Variants in C3orf62 observed in about 807,000 individuals in gnomAD.
The protein encoded by C3orf62 is uncharacterized protein C3orf62.
In C3orf62, 16 loss-of-function variants were observed where a neutral mutation model predicts 21.7. The observed-to-expected ratio is 0.74, with a 90% confidence interval of 0.50 to 1.12. C3orf62 has a LOEUF of 1.12. Ranked by LOEUF, C3orf62 falls within the 50% of genes most tolerant of loss-of-function variation. The pLI is 0.00. For synonymous variants in C3orf62, 114 were observed against 117.0 expected (o/e 0.97, Z 0.17); for missense variants, 310 against 318.8 (o/e 0.97, Z 0.21).
chr3:49,276,828 T>G lies in C3orf62; in HGVS notation c.45A>C (p.Glu15Asp), dbSNP rs1304342569. The change falls in exon 1 of 3, where the codon GAA becomes GAC. Residue 15 changes from glutamate (E) to aspartate (D), a missense_variant. Transcript: ENST00000343010. ...GTTCCTTTCTGCATCTTCTTAGTTT[T>G]TCAGACATTTCTCCTAAAAGCGACC... ...KTWSLLGEMSEKLRRCRKELT... is the reference protein window; with the variant it reads ...KTWSLLGEMSDKLRRCRKELT... The G allele has an allele frequency of 6.2e-7, 1 of 1,613,716 alleles. No homozygotes were observed. Among genetic ancestry groups the G allele is most frequent in the Admixed American group, 1.7e-5 (1 of 59,970 alleles).
rs781147988 is a variant in C3orf62, at chr3:49,271,403, A to G, written c.581T>C (p.Ile194Thr). ...GTGGTTCAATTCGTTTTCAAATTCT[A>G]TTTTTCCAGCCAATTCTTCAATAGT... is the stretch of plus-strand genomic sequence containing the variant. ...IRTIEELAGKIEFENELNHMC... is the reference protein window; with the variant it reads ...IRTIEELAGKTEFENELNHMC... Residue 194 changes from isoleucine to threonine, a missense_variant, in exon 3 of 3, where the codon ATA becomes ACA. Transcript: ENST00000343010. The G allele has an allele frequency of 1.3e-5, 21 of 1,614,118 alleles. No homozygotes were observed. The highest frequency in any genetic ancestry group is 1.7e-4 in the Middle Eastern group (1 of 6,058).
At position 49,271,392 on chromosome 3, in the gene C3orf62, T is replaced by A. The variant is rs2046910972; in HGVS notation, c.592A>T (p.Asn198Tyr). Reference sequence around the variant, plus strand: ...TGACCACACATGTGGTTCAATTCGTTTTCAAATTCTATTTTTCCAGCCAAT... The same window carrying A: ...TGACCACACATGTGGTTCAATTCGTATTCAAATTCTATTTTTCCAGCCAAT... The part of the protein sequence containing the change: ...EELAGKIEFE[N>Y]ELNHMCGHCQ... The change falls in exon 3 of 3, where the codon AAC becomes TAC. Residue 198 changes from asparagine to tyrosine, a missense_variant. Coordinates refer to ENST00000343010, the MANE Select transcript of C3orf62 (RefSeq NM_198562.3). 6.2e-7 allele frequency: 1 copy of A among 1,614,112 alleles called. No individual in the cohort carries two copies. The highest frequency in any genetic ancestry group is 2.2e-5 in the East Asian group (1 of 44,906).
chr3:49,275,410 A>G (rs1249840640), intron 1 of C3orf62, among the ~76,000 whole-genome samples: 1 of 151,648 alleles, frequency 6.6e-6, no homozygotes, highest in African/African-American at 2.4e-5. Flanking sequence ...ATGAGTACCA[A>G]TATAAATATT....
chr3:49,273,102 T>C (rs1022630401), intron 2 of C3orf62, among the ~76,000 whole-genome samples: 1 of 152,074 alleles, frequency 6.6e-6, no homozygotes, highest in African/African-American at 2.4e-5. Context: ...CAATGCAGAG[T>C]CTGAGCAAAA....
chr3:49,276,016 C>G (rs1216296817), intron 1 of C3orf62, among the ~76,000 whole-genome samples: 2 of 152,122 alleles, frequency 1.3e-5, no homozygotes, highest in Non-Finnish European at 2.9e-5. Flanking sequence ...TCAATTAAGC[C>G]TCTCCCTAAT....
In C3orf62 at chr3:49,277,135, C is replaced by G; in HGVS notation, c.-263G>C. On this transcript the variant is annotated 5_prime_UTR_variant, in exon 1 of 3. Transcript: ENST00000343010. ...CCACCGCGGCTCCCAGGCCGCTGGC[C>G]CTACCGGCACCCCCCCTTTGGCGAG... The G allele has an allele frequency of 2.7e-6, 4 of 1,458,276 alleles. No homozygotes were observed. Among genetic ancestry groups the G allele is most frequent in the Non-Finnish European group, 3.6e-6 (4 of 1,096,754 alleles). 90.3% of individuals were successfully genotyped at this position (1,458,276 alleles called of 1,614,324 possible). A position where few individuals can be genotyped will look rare whatever the true frequency, so the allele number is the denominator to read the frequency against.
chr3:49,271,430 C>G lies in C3orf62; in HGVS notation c.554G>C (p.Arg185Pro), dbSNP rs770343603. 6.2e-7 allele frequency: 1 copy of G among 1,613,750 alleles called. No individual in the cohort carries two copies. Among genetic ancestry groups the G allele is most frequent in the Non-Finnish European group, 8.5e-7 (1 of 1,179,790 alleles). Reference protein sequence around the residue: ...LLDMIDHTSIRTIEELAGKIE... With the variant: ...LLDMIDHTSIPTIEELAGKIE... Reference sequence around the variant, plus strand: ...TTTTCCAGCCAATTCTTCAATAGTTCGGATGCTTGTATGGTCTTAAAAATA... The same window carrying G: ...TTTTCCAGCCAATTCTTCAATAGTTGGGATGCTTGTATGGTCTTAAAAATA... The change falls in exon 3 of 3, where the codon CGA (arginine) becomes CCA (proline). Residue 185 changes from arginine to proline, a missense_variant. Physicochemically the swap from Arg to Pro is moderately radical, Grantham distance 103. Transcript: ENST00000343010.
rs2046968104 is a variant in C3orf62 at position 49,276,992 on chromosome 3, C to T, written c.-120G>A. On this transcript the variant is annotated 5_prime_UTR_variant, in exon 1 of 3. Transcript: ENST00000343010. ...CAGGACCCACAACCCTCGGGCTTTC[C>T]TCCTGGAGTAGGCGGTTCTCGGCTC... is the stretch of plus-strand genomic sequence containing the variant. 6.8e-7 allele frequency: 1 copy of T among 1,474,896 alleles called. No homozygotes were observed. The highest frequency in any genetic ancestry group is 2.4e-5 in the Admixed American group (1 of 40,852). 91.4% of individuals were successfully genotyped at this position (1,474,896 alleles called of 1,614,324 possible).
Position 49,271,401 on chromosome 3 carries a change from C to A in C3orf62, c.583G>T (p.Glu195Ter), listed in dbSNP as rs755185861. The change falls in exon 3 of 3, where the codon GAA (glutamate) becomes TAA (stop). Residue 195 changes from glutamate to a stop codon, truncating the protein, a stop_gained. Transcript: ENST00000343010. LOFTEE classifies it high-confidence loss of function. ...RTIEELAGKI[E>*]FENELNHMCG... ...ATGTGGTTCAATTCGTTTTCAAATT[C>A]TATTTTTCCAGCCAATTCTTCAATA... The A allele has an allele frequency of 2.5e-5, 40 of 1,614,048 alleles. No individual in the cohort carries two copies. The highest frequency in any genetic ancestry group is 3.3e-5 in the Non-Finnish European group (39 of 1,180,026).
At position 49,276,965 on chromosome 3, in the gene C3orf62, A is replaced by G. The variant is rs1367344049; in HGVS notation, c.-93T>C. On this transcript the variant is annotated 5_prime_UTR_variant, in exon 1 of 3. Coordinates refer to ENST00000343010, the MANE Select transcript of C3orf62 (RefSeq NM_198562.3). ...TTTCCTGGAGCTTGGCCCTGGCTAT[A>G]GCAGGACCCACAACCCTCGGGCTTT... 6.6e-7 allele frequency: 1 copy of G among 1,513,502 alleles called. No homozygotes were observed. The highest frequency in any genetic ancestry group is 8.8e-7 in the Non-Finnish European group (1 of 1,134,696). 93.8% of individuals were successfully genotyped at this position (1,513,502 alleles called of 1,614,324 possible).
In C3orf62 at chr3:49,271,413, C is replaced by A. The variant is rs747905227; in HGVS notation, c.571G>T (p.Ala191Ser). Residue 191 changes from alanine (A) to serine (S), a missense_variant, in exon 3 of 3, where the codon GCT (alanine) becomes TCT (serine). Ala to Ser is a moderately conservative substitution (Grantham distance 99). Transcript: ENST00000343010. ...HTSIRTIEEL[A>S]GKIEFENELN... ...TCGTTTTCAAATTCTATTTTTCCAG[C>A]CAATTCTTCAATAGTTCGGATGCTT... The A allele has an allele frequency of 6.2e-7, 1 of 1,614,128 alleles. No individual in the cohort carries two copies. Among genetic ancestry groups the A allele is most frequent in the Non-Finnish European group, 8.5e-7 (1 of 1,179,998 alleles).
rs2046903344 is a variant in C3orf62, at chr3:49,269,831, G to A, written c.*1349C>T. The stretch of plus-strand genomic sequence containing the variant: ...GGCCAACCTCTGCTAAGGAGTGGGT[G>A]TGTAGCCTCCACATTTGAGCCCAGA... On this transcript the variant is annotated 3_prime_UTR_variant, in exon 3 of 3. Transcript: ENST00000343010. 1 of 152,312 alleles carries A rather than the reference G, an allele frequency of 6.6e-6. No homozygotes were observed. Among genetic ancestry groups the A allele is most frequent in the Admixed American group, 6.5e-5 (1 of 15,286 alleles). The allele number at this position is 152,312 out of a possible 1,614,324, so 9.4% of individuals were successfully genotyped here. A position where few individuals can be genotyped will look rare whatever the true frequency, so the allele number is the denominator to read the frequency against.
Position 49,276,454 on chromosome 3 carries a change from C to G in C3orf62, c.419G>C (p.Gly140Ala), listed in dbSNP as rs765023440. Residue 140 changes from glycine (G) to alanine (A), a missense_variant, in exon 1 of 3, where the codon GGG becomes GCG. Transcript: ENST00000343010. Reference protein sequence around the residue: ...ERESWRTAGEGENWRKENLRK... With the variant: ...ERESWRTAGEAENWRKENLRK... Reference sequence around the variant, plus strand: ...TAAATTTTCTTTTCTCCAGTTTTCCCCCTCTCCTGCAGTTCTCCAAGACTC... The same window carrying G: ...TAAATTTTCTTTTCTCCAGTTTTCCGCCTCTCCTGCAGTTCTCCAAGACTC... 4.3e-6 allele frequency: 7 copies of G among 1,609,250 alleles called. No individual in the cohort carries two copies. In the African/African-American group the frequency reaches 6.7e-5, roughly 15 times the overall value.
At chr3:49,272,085 G>C (rs1194850880) in intron 2 of C3orf62, among the ~76,000 whole-genome samples, 1 of 152,116 alleles carries the variant, frequency 6.6e-6, no homozygotes, top group Non-Finnish European at 1.5e-5. Flanking sequence ...GGCCCAGGGG[G>C]TGTACCCTAC....
intron 2 of C3orf62, among the ~76,000 whole-genome samples, chr3:49,273,828 G>T (rs1245059846): frequency 6.6e-6 from 1 of 152,042 alleles, no homozygotes; most frequent in Non-Finnish European, 1.5e-5. Flanking sequence ...GCTAATTTTT[G>T]TATTTTTAGT....
In C3orf62 at chr3:49,277,045, A is replaced by AGCCCCAAAGAC; in HGVS notation, c.-184_-174dup. The AGCCCCAAAGAC allele has an allele frequency of 6.8e-7, 1 of 1,466,890 alleles. No homozygotes were observed. Among genetic ancestry groups the AGCCCCAAAGAC allele is most frequent in the Non-Finnish European group, 9.0e-7 (1 of 1,113,308 alleles). 90.9% of individuals were successfully genotyped at this position (1,466,890 alleles called of 1,614,324 possible). The stretch of plus-strand genomic sequence containing the variant: ...GCGGAGGAACCCGCCATCTGCCAGA[A>AGCCCCAAAGAC]GCCCCAAAGACGCCCCGCCCCACTT... On this transcript the variant is annotated 5_prime_UTR_variant, in exon 1 of 3. It removes the in-frame stop codon of an upstream open reading frame in the 5' UTR. Transcript: ENST00000343010.
rs1378351782 is a variant in C3orf62 at position 49,270,926 on chromosome 3, CA to C, written c.*253del. 6 of 482,354 alleles carry C rather than the reference CA, an allele frequency of 1.2e-5. No individual in the cohort carries two copies. The highest frequency in any genetic ancestry group is 5.9e-5 in the African/African-American group (3 of 50,930). The allele number at this position is 482,354 out of a possible 1,614,324, so 29.9% of individuals were successfully genotyped here. On this transcript the variant is annotated 3_prime_UTR_variant, in exon 3 of 3. Coordinates refer to ENST00000343010, the MANE Select transcript of C3orf62 (RefSeq NM_198562.3). ...GGTACTGGGTATATTGAACATCAAT[CA>C]AAAAAACACATTCAAGATGTCAAGG...
rs1361155715 is a variant in C3orf62, at chr3:49,277,160, G to C, written c.-288C>G. The C allele has an allele frequency of 2.1e-6, 3 of 1,415,458 alleles. No homozygotes were observed. Among genetic ancestry groups the C allele is most frequent in the Non-Finnish European group, 2.8e-6 (3 of 1,069,808 alleles). 87.7% of individuals were successfully genotyped at this position (1,415,458 alleles called of 1,614,324 possible). A position where few individuals can be genotyped will look rare whatever the true frequency, so the allele number is the denominator to read the frequency against. On this transcript the variant is annotated 5_prime_UTR_variant, in exon 1 of 3. Transcript: ENST00000343010. ...CCTACCGGCACCCCCCCTTTGGCGA[G>C]TCGGCAGCCACGTCCTTGTCCTCAC...
rs368553985 is a variant in C3orf62 at position 49,277,187 on chromosome 3, C to T, written c.-315G>A. On this transcript the variant is annotated 5_prime_UTR_variant, in exon 1 of 3. Transcript: ENST00000343010. Reference sequence around the variant, plus strand: ...CGGCAGCCACGTCCTTGTCCTCACCCGCAGCGCAGTGACGCCGACCCATCC... The same window carrying T: ...CGGCAGCCACGTCCTTGTCCTCACCTGCAGCGCAGTGACGCCGACCCATCC... The T allele has an allele frequency of 5.3e-5, 72 of 1,369,262 alleles. 1 individual carries two copies. In the East Asian group the frequency reaches 1.4e-3, roughly 28 times the overall value. 84.8% of individuals were successfully genotyped at this position (1,369,262 alleles called of 1,614,324 possible). A position where few individuals can be genotyped will look rare whatever the true frequency, so the allele number is the denominator to read the frequency against.
Sources: allele counts gnomAD v4.1 joint callset (sites outside exome capture counted in the v4.1 genomes callset), GRCh38; gene constraint gnomAD v4.1.1; transcripts MANE v1.5; gene names NCBI Gene and HGNC (gene_info 2026-07-23, HGNC 2026-07-21).